The following FOXP2 variants were observed in gnomAD, a reference collection of about 807,000 sequenced individuals.
The protein encoded by FOXP2 is forkhead box P2, also known as forkhead box protein P2.
Under a neutral mutation model 115.8 loss-of-function variants are expected in FOXP2, and 12 were observed. The observed-to-expected ratio is 0.10, with a 90% CI of 0.07 to 0.17. The LOEUF (loss-of-function observed/expected upper bound fraction) is 0.17. Ranked by LOEUF, FOXP2 falls within the 10% of genes least tolerant of loss-of-function variation. FOXP2 has a pLI of 1.00. For synonymous variants in FOXP2, 328 were observed against 297.7 expected, an observed-to-expected ratio of 1.10 and a Z score of -1.05; for missense variants, 629 against 843.5, an observed-to-expected ratio of 0.75 and a Z score of 3.15.
intron 2 of FOXP2, among the ~76,000 whole-genome samples, chr7:114,326,708 G>A (rs1797564097): frequency 6.6e-6 from 1 of 152,040 alleles, no homozygotes; most frequent in Non-Finnish European, 1.5e-5. Flanking sequence ...ATTTTTCTCT[G>A]AGCATGGCCA....
intron 2 of FOXP2, among the ~76,000 whole-genome samples, chr7:114,505,641 C>A (rs1300228587): frequency 3.3e-5 from 5 of 150,880 alleles, no homozygotes; most frequent in Non-Finnish European, 7.4e-5. Context: ...AAGCCCTTAC[C>A]AACCTGTTAC....
intron 1 of FOXP2, among the ~76,000 whole-genome samples, chr7:114,140,621 A>C (rs955852478): frequency 2.0e-5 from 3 of 152,358 alleles, no homozygotes; most frequent in Non-Finnish European, 4.4e-5. Context: ...ATGCACTGGC[A>C]GGTAACTAGG....
chr7:114,413,014 G>T (rs1436949225), upstream of FOXP2, among the ~76,000 whole-genome samples: 6 of 152,108 alleles, frequency 3.9e-5, no homozygotes, highest in Non-Finnish European at 2.9e-5. Flanking sequence ...TGGTAAAAAT[G>T]AGTGTAAGCT....
At chr7:114,188,624 C>G (rs1793675389) in intron 1 of FOXP2, among the ~76,000 whole-genome samples, 1 of 152,158 alleles carries the variant, frequency 6.6e-6, no homozygotes, top group Non-Finnish European at 1.5e-5. Flanking sequence ...GAGTCTCGCT[C>G]TGTTGCTGAG....
At chr7:114,222,731 G>A (rs537710945) in intron 1 of FOXP2, among the ~76,000 whole-genome samples, 4 of 152,266 alleles carry the variant, frequency 2.6e-5, no homozygotes, top group African/African-American at 9.6e-5. Context: ...GTAATCTCAA[G>A]GATGGGGTAG....
At chr7:114,562,210 A>G (rs1280290962) in intron 3 of FOXP2, among the ~76,000 whole-genome samples, 3 of 152,100 alleles carry the variant, frequency 2.0e-5, no homozygotes, top group Non-Finnish European at 4.4e-5. Flanking sequence ...GGCTTTTCTT[A>G]TTCCTACTCC....
At chr7:114,394,015 AG>A (rs1792678013) in intron 2 of FOXP2, among the ~76,000 whole-genome samples, 1 of 151,138 alleles carries the variant, frequency 6.6e-6, no homozygotes, top group African/African-American at 2.4e-5. Flanking sequence ...TGAGAGAGAG[AG>A]AGAGAGAGAG....
intron 2 of FOXP2, among the ~76,000 whole-genome samples, chr7:114,481,292 A>T (rs1313736926): frequency 6.6e-6 from 1 of 151,240 alleles, no homozygotes; most frequent in African/African-American, 2.4e-5. Flanking sequence ...AAGTTATTAT[A>T]AATAATTATA....
intron 3 of FOXP2, chr7:114,614,003 ATTG>A (rs1803781739): frequency 3.3e-5 from 5 of 152,158 alleles, no homozygotes; most frequent in Admixed American, 1.3e-4. Context: ...TTTCTAATGT[ATTG>A]TTGTTAAAAA....
At chr7:114,335,282 T>A (rs1797823280) in intron 2 of FOXP2, among the ~76,000 whole-genome samples, 1 of 151,776 alleles carries the variant, frequency 6.6e-6, no homozygotes, top group Non-Finnish European at 1.5e-5. Context: ...ATAATTTATG[T>A]AAAATAAAAA....
Position 114,630,156 on chromosome 7 carries a change from G to A in FOXP2, c.597+151G>A, listed in dbSNP as rs185900550. 3.1e-6 allele frequency: 4 copies of A among 1,302,996 alleles called. No homozygotes were observed. The Admixed American group carries it at 5.7e-5, about 18-fold the overall frequency. The allele number at this position is 1,302,996 out of a possible 1,614,324, so 80.7% of individuals were successfully genotyped here. A position where few individuals can be genotyped will look rare whatever the true frequency, so the allele number is the denominator to read the frequency against. On this transcript the variant is annotated intron_variant, in intron 5 of 16. Coordinates refer to ENST00000350908, the MANE Select transcript of FOXP2 (RefSeq NM_014491.4). ...TTTACTGAGCTTAGTAACAGTGATA[G>A]GCTCTCAGGCTCTCCTTTTTTGTAG...
intron 2 of FOXP2, among the ~76,000 whole-genome samples, chr7:114,300,948 A>T (rs1435746978): frequency 6.6e-6 from 1 of 152,064 alleles, no homozygotes; most frequent in Non-Finnish European, 1.5e-5. Flanking sequence ...AATGAGATAC[A>T]AATCCCCTTT....
chr7:114,367,098 A>T (rs1396426561), intron 2 of FOXP2, among the ~76,000 whole-genome samples: 1 of 152,118 alleles, frequency 6.6e-6, no homozygotes, highest in Admixed American at 6.6e-5. Flanking sequence ...ATATCTAACA[A>T]ATACTTTAAT....
chr7:114,606,837 T>A (rs1366382062), intron 3 of FOXP2, among the ~76,000 whole-genome samples: 1 of 152,184 alleles, frequency 6.6e-6, no homozygotes, highest in African/African-American at 2.4e-5. Flanking sequence ...GCTTACAAAG[T>A]TAACTGCTGT....
At chr7:114,379,103 TAATAGAGTGA>T (rs1348029130) in intron 2 of FOXP2, among the ~76,000 whole-genome samples, 2 of 152,122 alleles carry the variant, frequency 1.3e-5, no homozygotes, top group South Asian at 2.1e-4. Flanking sequence ...TTGCAAGATT[TAATAGAGTGA>T]AATAGAGTGA....
intron 8 of FOXP2, chr7:114,645,053 A>G (rs1805800022): frequency 1.2e-5 from 3 of 256,140 alleles, no homozygotes; most frequent in Non-Finnish European, 2.3e-5. Context: ...CACTGGAGAC[A>G]TTTATAACAG....
At chr7:114,341,114 T>G (rs1791200370) in intron 2 of FOXP2, among the ~76,000 whole-genome samples, 1 of 151,270 alleles carries the variant, frequency 6.6e-6, no homozygotes, top group Admixed American at 6.6e-5. Flanking sequence ...TACCACATAC[T>G]CTGAACTATA....
At chr7:114,202,100 C>T (rs973530963) in intron 1 of FOXP2, among the ~76,000 whole-genome samples, 1 of 152,204 alleles carries the variant, frequency 6.6e-6, no homozygotes, top group Non-Finnish European at 1.5e-5. Flanking sequence ...GGAAGAGGAT[C>T]TGGATGAGTA....
intron 3 of FOXP2, among the ~76,000 whole-genome samples, chr7:114,593,734 T>C (rs1283882024): frequency 2.0e-5 from 3 of 152,018 alleles, no homozygotes; most frequent in Non-Finnish European, 4.4e-5. Flanking sequence ...TATTACATAC[T>C]ATAGCACCAT....
Sources: gnomAD v4.1 joint callset for allele counts (sites outside exome capture counted in the v4.1 genomes callset) on GRCh38, gnomAD v4.1.1 for gene constraint, MANE v1.5 for transcripts, NCBI Gene and HGNC (gene_info 2026-07-23, HGNC 2026-07-21) for gene names.